TRAPPC9: variants seen among roughly 807,000 people sequenced by gnomAD.
TRAPPC9 encodes trafficking protein particle complex subunit 9.
In TRAPPC9, 83 loss-of-function variants were observed where a neutral mutation model predicts 124.0. The ratio of observed to expected loss-of-function variants is 0.67; its 90% CI spans 0.56 to 0.80. TRAPPC9 has a LOEUF of 0.80. Among genes scored for constraint, TRAPPC9 ranks in the 30% least tolerant of loss-of-function variants. The probability of loss-of-function intolerance (pLI) is 0.00; values close to 1 mark genes in which losing one functional copy is unlikely to be tolerated. For missense variants in TRAPPC9, 1,302 were observed against 1,508.3 expected (o/e 0.86, Z 2.27); for synonymous variants, 638 against 617.5 (o/e 1.03, Z -0.49).
intron 21 of TRAPPC9, among the ~76,000 whole-genome samples, chr8:139,787,561 C>T (rs74771558): frequency 0.062 from 9,470 of 152,204 alleles, 404 homozygotes; most frequent in East Asian, 0.14. Context: ...TGGAAAAAGG[C>T]CTCACCGAAA....
At chr8:139,820,865 G>A (rs2130792354) in intron 21 of TRAPPC9, among the ~76,000 whole-genome samples, 1 of 152,290 alleles carries the variant, frequency 6.6e-6, no homozygotes, top group Middle Eastern at 3.4e-3. Flanking sequence ...CTATCTTATT[G>A]TATATGCACA....
intron 17 of TRAPPC9, among the ~76,000 whole-genome samples, chr8:140,109,875 G>A (rs2060732025): frequency 6.6e-6 from 1 of 152,220 alleles, no homozygotes; most frequent in Non-Finnish European, 1.5e-5. Context: ...CACTGAGGAA[G>A]GTCAACAGAG....
chr8:140,122,379 T>C (rs764714711), intron 17 of TRAPPC9, among the ~76,000 whole-genome samples: 2 of 152,208 alleles, frequency 1.3e-5, no homozygotes, highest in Admixed American at 6.5e-5. Flanking sequence ...TCCTGACCCA[T>C]AGAAACTGTG....
chr8:140,105,054 G>A (rs1432531488), intron 17 of TRAPPC9, among the ~76,000 whole-genome samples: 3 of 152,108 alleles, frequency 2.0e-5, no homozygotes, highest in Non-Finnish European at 2.9e-5. Context: ...CCTGCCCCCA[G>A]GACTGAAGGT....
At chr8:139,857,111 A>C (rs938748136) in intron 21 of TRAPPC9, among the ~76,000 whole-genome samples, 2 of 148,204 alleles carry the variant, frequency 1.3e-5, no homozygotes, top group Non-Finnish European at 3.0e-5. Context: ...TCCAGGCAGA[A>C]GGAAAGCATG....
intron 18 of TRAPPC9, among the ~76,000 whole-genome samples, chr8:139,996,959 C>G (rs1429029464): frequency 6.6e-6 from 1 of 152,178 alleles, no homozygotes; most frequent in Non-Finnish European, 1.5e-5. Flanking sequence ...GTTGGCCAGG[C>G]TGGTCTCGAA....
intron 5 of TRAPPC9, among the ~76,000 whole-genome samples, chr8:140,425,595 T>TGCCCG (rs1446943087): frequency 3.9e-5 from 6 of 152,120 alleles, no homozygotes; most frequent in African/African-American, 1.5e-4. Flanking sequence ...CATCTAATTC[T>TGCCCG]CCTACAACTA....
chr8:139,749,633 G>A lies in TRAPPC9; in HGVS notation c.3056-17431C>T, dbSNP rs186405841. 5.6e-4 allele frequency among the ~76,000 whole-genome samples: 85 copies of A among 152,274 alleles called. 1 individual carries two copies. Among genetic ancestry groups the A allele is most frequent in the Non-Finnish European group, 8.5e-4 (58 of 68,022 alleles). On this transcript the variant is annotated intron_variant, in intron 21 of 22. Transcript: ENST00000438773. ...TGCCTGGTGCTGGGTCAGTGCTTAC[G>A]AGGTTAAACAGACTCTTGATGTGGT...
intron 17 of TRAPPC9, among the ~76,000 whole-genome samples, chr8:140,219,706 A>G (rs1158452644): frequency 6.6e-6 from 1 of 152,092 alleles, no homozygotes; most frequent in Non-Finnish European, 1.5e-5. Flanking sequence ...TGCTGTCTCC[A>G]TGTCATGGGT....
intron 10 of TRAPPC9, among the ~76,000 whole-genome samples, chr8:140,301,363 T>C (rs2065971366): frequency 6.6e-6 from 1 of 152,252 alleles, no homozygotes; most frequent in Non-Finnish European, 1.5e-5. Flanking sequence ...CCACTGCATA[T>C]GTATTCTCTC....
intron 18 of TRAPPC9, among the ~76,000 whole-genome samples, chr8:140,021,691 G>T (rs1161018946): frequency 1.3e-5 from 2 of 152,190 alleles, no homozygotes; most frequent in African/African-American, 2.4e-5. Flanking sequence ...AACTTTGGAA[G>T]TGTCGGCTTA....
At chr8:140,028,747 T>C (rs1840313595) in intron 17 of TRAPPC9, among the ~76,000 whole-genome samples, 1 of 152,188 alleles carries the variant, frequency 6.6e-6, no homozygotes, top group Admixed American at 6.5e-5. Flanking sequence ...TTGATGCCTC[T>C]GAGTAAATTG....
intron 21 of TRAPPC9, among the ~76,000 whole-genome samples, chr8:139,782,464 A>G (rs145822365): frequency 0.015 from 2,221 of 152,370 alleles, 41 homozygotes; most frequent in Non-Finnish European, 0.017. Flanking sequence ...TTGATATTAT[A>G]AAGTTATAAA....
chr8:139,877,347 C>T (rs778313001), intron 21 of TRAPPC9, among the ~76,000 whole-genome samples: 9 of 152,198 alleles, frequency 5.9e-5, no homozygotes, highest in Non-Finnish European at 1.2e-4. Context: ...TCAAAATAGA[C>T]AGTCAGGGAG....
intron 17 of TRAPPC9, among the ~76,000 whole-genome samples, chr8:140,038,857 A>T (rs1357365787): frequency 6.6e-6 from 1 of 152,224 alleles, no homozygotes; most frequent in Admixed American, 6.5e-5. Context: ...CATAGGATGC[A>T]AGCCACAGCC....
chr8:140,281,958 C>G (rs1004431367), intron 14 of TRAPPC9, among the ~76,000 whole-genome samples: 10 of 152,166 alleles, frequency 6.6e-5, no homozygotes, highest in African/African-American at 2.4e-4. Context: ...TCCCGCATCA[C>G]AGTCCTGACG....
intron 17 of TRAPPC9, among the ~76,000 whole-genome samples, chr8:140,175,169 T>C (rs1268690889): frequency 1.3e-5 from 2 of 152,036 alleles, no homozygotes; most frequent in Admixed American, 6.6e-5. Context: ...CCACTTACCA[T>C]GTTTCTTTAG....
intron 21 of TRAPPC9, among the ~76,000 whole-genome samples, chr8:139,846,618 T>G (rs1160323825): frequency 6.6e-6 from 1 of 152,258 alleles, no homozygotes; most frequent in African/African-American, 2.4e-5. Context: ...AGGCAACTCT[T>G]TTGCTGAGCT....
intron 21 of TRAPPC9, among the ~76,000 whole-genome samples, chr8:139,816,939 C>T (rs905384008): frequency 6.6e-6 from 1 of 152,064 alleles, no homozygotes; most frequent in African/African-American, 2.4e-5. Context: ...TTCTTTTTCT[C>T]CTTTTGCTCC....
Sources: gnomAD v4.1 joint callset for allele counts (sites outside exome capture counted in the v4.1 genomes callset) on GRCh38, gnomAD v4.1.1 for gene constraint, MANE v1.5 for transcripts, NCBI Gene and HGNC (gene_info 2026-07-23, HGNC 2026-07-21) for gene names.